Variants in MID1 observed in about 807,000 individuals in gnomAD.
MID1 encodes midline 1.
MID1 carries 7 observed loss-of-function variants against 40.4 expected under a neutral mutation model. The observed-to-expected ratio is 0.17, with a 90% confidence interval of 0.10 to 0.33. The LOEUF is 0.33. MID1 is among the 10% of genes least tolerant of loss of function. MID1 has a pLI of 1.00. For missense variants in MID1, 367 were observed against 558.5 expected, an observed-to-expected ratio of 0.66 and a Z score of 3.46; for synonymous variants, 229 against 221.2, an observed-to-expected ratio of 1.04 and a Z score of -0.31.
chrX:10,573,595 C>G (rs2147480479), intron 1 of MID1, among the ~76,000 whole-genome samples: 1 of 112,230 alleles, frequency 8.9e-6, no homozygotes, highest in East Asian at 2.8e-4. Context: ...TTGGTGGGGA[C>G]AAACAAACCA....
chrX:10,764,110 G>A (rs1407776648), intron 1 of MID1, among the ~76,000 whole-genome samples: 1 of 111,771 alleles, frequency 8.9e-6, no homozygotes, highest in Non-Finnish European at 1.9e-5. Flanking sequence ...CTCCCATTCT[G>A]TAGGTTGCCT....
At chrX:10,830,641 A>G (rs894029808) in intron 1 of MID1, among the ~76,000 whole-genome samples, 1 of 112,354 alleles carries the variant, frequency 8.9e-6, no homozygotes, top group African/African-American at 3.2e-5. Context: ...TTTTATGTCC[A>G]TCGCCCCTGG....
intron 2 of MID1, among the ~76,000 whole-genome samples, chrX:10,548,983 T>C (rs1933803909): frequency 8.9e-6 from 1 of 112,275 alleles, no homozygotes; most frequent in Non-Finnish European, 1.9e-5. Context: ...CAGATCTCCA[T>C]TTTTCTTAGC....
At chrX:10,804,725 T>G (rs1024019608) in intron 1 of MID1, among the ~76,000 whole-genome samples, 3 of 111,209 alleles carry the variant, frequency 2.7e-5, no homozygotes, top group African/African-American at 9.8e-5. Context: ...CACAAGTGAC[T>G]CTCAGCTTTT....
intron 1 of MID1, among the ~76,000 whole-genome samples, chrX:10,764,073 G>A (rs1038806852): frequency 6.3e-5 from 7 of 111,741 alleles, no homozygotes; most frequent in South Asian, 3.8e-4. Flanking sequence ...TTAGCCCTTC[G>A]TCAGATGGGT....
Position 10,795,697 on chromosome X carries a change from C to A in MID1, c.-187+37857G>T. ...TTTTAGTTGGAAACCAATGAAAAAA[C>A]AAGTCGTTTGTCTCTGCCTTTTGCT... On this transcript the variant is annotated intron_variant, in intron 1 of 10. Transcript: ENST00000380785. 2.7e-5 allele frequency among the ~76,000 whole-genome samples: 3 copies of A among 112,338 alleles called. No homozygotes were observed. In the Middle Eastern group the frequency reaches 0.014, roughly 518 times the overall value.
chrX:10,811,960 G>GT (rs1245981913), intron 1 of MID1, among the ~76,000 whole-genome samples: 3 of 111,848 alleles, frequency 2.7e-5, no homozygotes, highest in East Asian at 5.6e-4. Flanking sequence ...AGGTAAGAAG[G>GT]TTTTTTTGTT....
chrX:10,533,335 A>AGAAAGAAAG (rs1465201252), intron 2 of MID1, among the ~76,000 whole-genome samples: 15 of 68,554 alleles, frequency 2.2e-4, no homozygotes, highest in Non-Finnish European at 3.5e-4. Flanking sequence ...AAGGAAAGAA[A>AGAAAGAAAG]GAAAGAAAGA....
At chrX:10,729,814 G>A (rs2043428045) in intron 1 of MID1, among the ~76,000 whole-genome samples, 1 of 111,985 alleles carries the variant, frequency 8.9e-6, no homozygotes, top group Admixed American at 9.5e-5. Flanking sequence ...GCCGGGGGCG[G>A]TGGCTCACGC....
chrX:10,798,896 A>G (rs1233784579), intron 1 of MID1, among the ~76,000 whole-genome samples: 1 of 111,775 alleles, frequency 8.9e-6, no homozygotes, highest in East Asian at 2.8e-4. Context: ...CAAATAGAAG[A>G]CACACCACAT....
intron 1 of MID1, among the ~76,000 whole-genome samples, chrX:10,603,466 G>A (rs1487334379): frequency 1.8e-5 from 2 of 111,750 alleles, no homozygotes; most frequent in Admixed American, 1.9e-4. Context: ...GAAACTGAAT[G>A]GTATCTCTTT....
chrX:10,456,877 G>C, intron 8 of MID1, among the ~76,000 whole-genome samples: 1 of 111,511 alleles, frequency 9.0e-6, no homozygotes, highest in East Asian at 2.8e-4. Context: ...GCTTTAAAGG[G>C]GGAGCAGAGA....
intron 1 of MID1, among the ~76,000 whole-genome samples, chrX:10,811,269 T>G (rs1279711310): frequency 8.9e-6 from 1 of 112,345 alleles, no homozygotes; most frequent in Non-Finnish European, 1.9e-5. Flanking sequence ...TGAGTGCAGT[T>G]CGGGTTGCTG....
intron 2 of MID1, among the ~76,000 whole-genome samples, chrX:10,530,771 T>A (rs1426137614): frequency 8.9e-6 from 1 of 111,956 alleles, no homozygotes; most frequent in Non-Finnish European, 1.9e-5. Context: ...AGCTTTGTAC[T>A]TCTACATACA....
chrX:10,602,220 T>C (rs1437431180), intron 1 of MID1, among the ~76,000 whole-genome samples: 1 of 104,432 alleles, frequency 9.6e-6, no homozygotes, highest in Non-Finnish European at 1.9e-5. Flanking sequence ...GCAAATAGTT[T>C]CTGACTTTTT....
intron 1 of MID1, among the ~76,000 whole-genome samples, chrX:10,721,982 A>G (rs1280826358): frequency 9.0e-6 from 1 of 111,520 alleles, no homozygotes; most frequent in Non-Finnish European, 1.9e-5. Flanking sequence ...GATTATGTGT[A>G]GAAATATTTC....
intron 3 of MID1, among the ~76,000 whole-genome samples, chrX:10,496,348 G>A (rs1931251769): frequency 1.8e-5 from 2 of 112,369 alleles, no homozygotes; most frequent in African/African-American, 6.5e-5. Context: ...GTGGAAAGGT[G>A]GATCATTAGA....
At chrX:10,496,140 G>T (rs990295034) in intron 3 of MID1, among the ~76,000 whole-genome samples, 1 of 112,055 alleles carries the variant, frequency 8.9e-6, no homozygotes, top group East Asian at 2.8e-4. Context: ...CAAATTTTCC[G>T]TAAGCAATGT....
chrX:10,634,535 AT>A (rs112990830), intron 1 of MID1, among the ~76,000 whole-genome samples: 4,816 of 103,635 alleles, frequency 0.046, 157 homozygotes, highest in African/African-American at 0.12. Context: ...CTATGGATAC[AT>A]TTTTTTTTTT....
Sources: gnomAD v4.1 joint callset for allele counts (sites outside exome capture counted in the v4.1 genomes callset) on GRCh38, gnomAD v4.1.1 for gene constraint, MANE v1.5 for transcripts, NCBI Gene and HGNC (gene_info 2026-07-23, HGNC 2026-07-21) for gene names.